GDAP1L1: variants seen among roughly 807,000 people sequenced by gnomAD.
GDAP1L1 encodes ganglioside-induced differentiation-associated protein 1-like 1.
Under a neutral mutation model 37.1 loss-of-function variants are expected in GDAP1L1, and 21 were observed. The ratio of observed to expected loss-of-function variants is 0.57; its 90% CI spans 0.40 to 0.81. The LOEUF (loss-of-function observed/expected upper bound fraction) is 0.81, where lower values mean the gene tolerates loss of function less well. Among genes scored for constraint, GDAP1L1 ranks in the 40% least tolerant of loss-of-function variants. The pLI, the probability that GDAP1L1 is intolerant of heterozygous loss-of-function variation, is 0.00. For synonymous variants in GDAP1L1, 193 were observed against 209.1 expected (o/e 0.92, Z 0.67); for missense variants, 362 against 491.6 (o/e 0.74, Z 2.49).
chr20:44,259,491 A>AT (rs1382020602), intron 3 of GDAP1L1, among the ~76,000 whole-genome samples: 1 of 135,272 alleles, frequency 7.4e-6, no homozygotes, highest in Non-Finnish European at 1.6e-5. Flanking sequence ...CAAGACTCAG[A>AT]ATTTTTTTTT....
At chr20:44,274,643 T>TACCTGAAAGGCGGC (rs968437317) in intron 5 of GDAP1L1, among the ~76,000 whole-genome samples, 37 of 152,224 alleles carry the variant, frequency 2.4e-4, no homozygotes, top group Middle Eastern at 6.8e-3. Flanking sequence ...GTTCTTCTCC[T>TACCTGAAAGGCGGC]ACCTGAAAGG....
At position 44,258,422 on chromosome 20, in the gene GDAP1L1, C is replaced by T. The variant is rs372238773; in HGVS notation, c.374-12C>T. 273 of 1,546,726 alleles carry T rather than the reference C, an allele frequency of 1.8e-4. 1 individual carries two copies. In the African/African-American group the frequency reaches 3.3e-3, roughly 19 times the overall value. On this transcript the variant is annotated splice_polypyrimidine_tract_variant and intron_variant, in intron 2 of 5. Coordinates refer to ENST00000342560, the MANE Select transcript of GDAP1L1 (RefSeq NM_024034.6). ...TCTGGCTTCCCTGCCCAGCCCCTGGCGGTGCCCACAGAGCACGTGGTGGCC... is the reference window on the plus strand; with the variant it reads ...TCTGGCTTCCCTGCCCAGCCCCTGGTGGTGCCCACAGAGCACGTGGTGGCC...
intron 3 of GDAP1L1, among the ~76,000 whole-genome samples, chr20:44,260,610 C>A (rs1258406941): frequency 1.3e-5 from 2 of 152,128 alleles, no homozygotes; most frequent in African/African-American, 4.8e-5. Flanking sequence ...TACACGATGT[C>A]CACCCCAGCC....
At chr20:44,278,845 C>T (rs980276432) in intron 5 of GDAP1L1, 112 bp from the exon 6 acceptor site, 1 of 694,890 alleles carries the variant, frequency 1.4e-6, no homozygotes, top group African/African-American at 1.8e-5. Context: ...GAATGAGTAA[C>T]CCTCAGAAAA....
intron 1 of GDAP1L1, among the ~76,000 whole-genome samples, chr20:44,248,311 C>G (rs2073372186): frequency 1.3e-5 from 2 of 152,238 alleles, no homozygotes; most frequent in African/African-American, 4.8e-5. Context: ...CAATCTCCCA[C>G]CCTGGGCGGT....
At chr20:44,252,738 G>T (rs1169285695) in intron 1 of GDAP1L1, among the ~76,000 whole-genome samples, 1 of 151,616 alleles carries the variant, frequency 6.6e-6, no homozygotes, top group Non-Finnish European at 1.5e-5. Context: ...CAGGAAAATC[G>T]ATTGAATCCA....
chr20:44,274,534 C>A (rs2062553067), intron 5 of GDAP1L1, among the ~76,000 whole-genome samples: 1 of 152,186 alleles, frequency 6.6e-6, no homozygotes, highest in African/African-American at 2.4e-5. Flanking sequence ...GTTCTCAGGC[C>A]TCCTATTTGA....
chr20:44,258,217 G>T (rs2073600373), intron 2 of GDAP1L1: 1 of 719,082 alleles, frequency 1.4e-6, no homozygotes, highest in African/African-American at 1.7e-5. Context: ...GTCTGGAGCT[G>T]AGAGGAGCTA....
At chr20:44,266,202 A>C (rs1433150288) in intron 5 of GDAP1L1, among the ~76,000 whole-genome samples, 4 of 151,952 alleles carry the variant, frequency 2.6e-5, no homozygotes, top group Non-Finnish European at 5.9e-5. Flanking sequence ...CAGCTACTCG[A>C]GAGGCTGAGG....
chr20:44,252,369 G>A (rs1046787145), intron 1 of GDAP1L1, among the ~76,000 whole-genome samples: 1 of 152,214 alleles, frequency 6.6e-6, no homozygotes, highest in Non-Finnish European at 1.5e-5. Flanking sequence ...GCTGGGCGTG[G>A]TGGCTCGCGC....
In GDAP1L1 at chr20:44,279,645, A is replaced by T; in HGVS notation, c.*345A>T. 1.0e-5 allele frequency: 5 copies of T among 485,390 alleles called. No homozygotes were observed. Among genetic ancestry groups the T allele is most frequent in the South Asian group, 7.7e-5 (5 of 64,710 alleles). The allele number at this position is 485,390 out of a possible 1,614,324, so 30.1% of individuals were successfully genotyped here. On this transcript the variant is annotated 3_prime_UTR_variant, in exon 6 of 6. Transcript: ENST00000342560. ...AGGTGAGTCCCAGGATGTTTCGTCC[A>T]CCAGGGCCCAGATTCTGGGAGGTGC...
intron 5 of GDAP1L1, among the ~76,000 whole-genome samples, chr20:44,277,823 G>A (rs1240211468): frequency 1.3e-5 from 2 of 152,158 alleles, no homozygotes; most frequent in Admixed American, 6.5e-5. Flanking sequence ...CAATGCTGAT[G>A]GAAATTGCTG....
intron 3 of GDAP1L1, among the ~76,000 whole-genome samples, chr20:44,262,388 G>C (rs929656848): frequency 6.6e-6 from 1 of 152,142 alleles, no homozygotes; most frequent in Non-Finnish European, 1.5e-5. Context: ...GGGAGGAGCT[G>C]AGGGCAAATC....
At chr20:44,250,910 C>A (rs1043749081) in intron 1 of GDAP1L1, among the ~76,000 whole-genome samples, 4 of 152,052 alleles carry the variant, frequency 2.6e-5, no homozygotes, top group Non-Finnish European at 5.9e-5. Flanking sequence ...CCTCTCTGGT[C>A]CTCAGTTTTC....
At position 44,266,107 on chromosome 20, in the gene GDAP1L1, G is replaced by A. The variant is rs185029552; in HGVS notation, c.760+1548G>A. On this transcript the variant is annotated intron_variant, in intron 5 of 5. Transcript: ENST00000342560. ...GTGGATCACCTGAGGTCAGGAGTTC[G>A]AGACCAGCCTAACAACATGGCAAAA... Among the ~76,000 whole-genome samples the A allele has an allele frequency of 1.6e-4, 25 of 152,248 alleles. No homozygotes were observed. The South Asian group carries it at 3.3e-3, about 20-fold the overall frequency.
chr20:44,262,205 G>A (rs1041279873), intron 3 of GDAP1L1, among the ~76,000 whole-genome samples: 4 of 152,102 alleles, frequency 2.6e-5, no homozygotes, highest in African/African-American at 9.7e-5. Context: ...GCCTGTAAGG[G>A]AGAGAGGGGA....
intron 5 of GDAP1L1, chr20:44,265,280 C>A: frequency 2.0e-6 from 2 of 985,318 alleles, no homozygotes; most frequent in Non-Finnish European, 2.4e-6. Context: ...GCTCCCACAG[C>A]CCCTCCCTCC....
intron 5 of GDAP1L1, among the ~76,000 whole-genome samples, chr20:44,273,925 C>T (rs1568658262): frequency 6.6e-6 from 1 of 152,140 alleles, no homozygotes; most frequent in African/African-American, 2.4e-5. Flanking sequence ...GCTCTGATCC[C>T]CACAACGACC....
At chr20:44,277,063 T>A (rs1049626438) in intron 5 of GDAP1L1, among the ~76,000 whole-genome samples, 7 of 152,308 alleles carry the variant, frequency 4.6e-5, no homozygotes, top group African/African-American at 1.4e-4. Context: ...TCGCTCTTGT[T>A]GCCCAGGGTG....
Sources: gnomAD v4.1 joint callset for allele counts (sites outside exome capture counted in the v4.1 genomes callset) on GRCh38, gnomAD v4.1.1 for gene constraint, MANE v1.5 for transcripts, NCBI Gene and HGNC (gene_info 2026-07-23, HGNC 2026-07-21) for gene names.